Variants in PDZRN4 observed in about 807,000 individuals in gnomAD.
The protein encoded by PDZRN4 is PDZ domain-containing RING finger protein 4.
Under a neutral mutation model 99.0 loss-of-function variants are expected in PDZRN4, and 70 were observed. The ratio of observed to expected loss-of-function variants is 0.71; its 90% CI spans 0.58 to 0.86. PDZRN4 has a LOEUF of 0.86. PDZRN4 is among the 40% of genes least tolerant of loss of function. The pLI is 0.00. For missense variants in PDZRN4, 1,474 were observed against 1,331.2 expected (o/e 1.11, Z -1.67); for synonymous variants, 551 against 501.6 (o/e 1.10, Z -1.32).
At chr12:41,415,710 T>C (rs74078808) in intron 3 of PDZRN4, among the ~76,000 whole-genome samples, 5,776 of 152,264 alleles carry the variant, frequency 0.038, 172 homozygotes, top group African/African-American at 0.087. Context: ...TGAGAAATTG[T>C]GTCCAGAAGG....
intron 3 of PDZRN4, among the ~76,000 whole-genome samples, chr12:41,339,185 T>A (rs1183121950): frequency 6.8e-6 from 1 of 148,040 alleles, no homozygotes; most frequent in Non-Finnish European, 1.5e-5. Flanking sequence ...TGCTACAGAG[T>A]TATGGTAACC....
At chr12:41,360,259 T>C (rs1418074216) in intron 3 of PDZRN4, among the ~76,000 whole-genome samples, 2 of 152,064 alleles carry the variant, frequency 1.3e-5, no homozygotes, top group Admixed American at 6.6e-5. Flanking sequence ...ATTTATAGGA[T>C]TGGATGAATT....
At chr12:41,564,919 T>C (rs1409792580) in intron 8 of PDZRN4, among the ~76,000 whole-genome samples, 1 of 152,210 alleles carries the variant, frequency 6.6e-6, no homozygotes, top group Admixed American at 6.6e-5. Context: ...ATCTCTATTG[T>C]AGAGAAGATA....
In PDZRN4 at chr12:41,555,383, G is replaced by A. The variant is rs542421221; in HGVS notation, c.1303-315G>A. Reference sequence around the variant, plus strand: ...AAGATCATGTGACAGTTGGGATACAGAAATGAGTGAACAAATGTGAAAAAA... The same window carrying A: ...AAGATCATGTGACAGTTGGGATACAAAAATGAGTGAACAAATGTGAAAAAA... On this transcript the variant is annotated intron_variant, in intron 6 of 9. Coordinates refer to ENST00000402685, the MANE Select transcript of PDZRN4 (RefSeq NM_001164595.2). Among the ~76,000 whole-genome samples the A allele has an allele frequency of 2.3e-3, 352 of 150,308 alleles. 1 individual carries two copies. The highest frequency in any genetic ancestry group is 4.6e-3 in the Non-Finnish European group (309 of 67,712).
In PDZRN4 at chr12:41,188,879, G is replaced by A; in HGVS notation, c.424G>A (p.Gly142Ser). ...GCGPTPRAGR[G>S]GGARGGPPGG... ...CGGTCCGACACCCAGGGCTGGCCGG[G>A]GCGGGGGCGCGCGCGGGGGGCCGCC... is the stretch of plus-strand genomic sequence containing the variant. Residue 142 changes from glycine to serine, a missense_variant, in exon 1 of 10, where the codon GGC (glycine) becomes AGC (serine). Gly to Ser is a moderately conservative substitution (Grantham distance 56). Transcript: ENST00000402685. 2 of 1,122,400 alleles carry A rather than the reference G, an allele frequency of 1.8e-6. No homozygotes were observed. The highest frequency in any genetic ancestry group is 2.2e-6 in the Non-Finnish European group (2 of 919,126). 69.5% of individuals were successfully genotyped at this position (1,122,400 alleles called of 1,614,324 possible).
intron 7 of PDZRN4, among the ~76,000 whole-genome samples, chr12:41,557,203 C>T (rs1939184348): frequency 6.6e-6 from 1 of 151,336 alleles, no homozygotes; most frequent in African/African-American, 2.4e-5. Flanking sequence ...CACAAACTCC[C>T]CAGCTCTTGT....
chr12:41,524,987 C>T (rs1037868095), intron 5 of PDZRN4, among the ~76,000 whole-genome samples: 1 of 152,230 alleles, frequency 6.6e-6, no homozygotes, highest in South Asian at 2.1e-4. Flanking sequence ...GAGTTGAAAG[C>T]AGCTTCTTCA....
chr12:41,570,291 G>T (rs1939450827), intron 9 of PDZRN4, among the ~76,000 whole-genome samples: 1 of 152,112 alleles, frequency 6.6e-6, no homozygotes. Flanking sequence ...TAGAAACATT[G>T]CCTGTCACTA....
chr12:41,530,192 C>T (rs1351561859), intron 5 of PDZRN4, among the ~76,000 whole-genome samples: 1 of 152,212 alleles, frequency 6.6e-6, no homozygotes, highest in Admixed American at 6.5e-5. Flanking sequence ...CTACCCAACG[C>T]TCACGTTTAG....
intron 3 of PDZRN4, among the ~76,000 whole-genome samples, chr12:41,479,714 T>C (rs1388093112): frequency 6.6e-6 from 1 of 152,200 alleles, no homozygotes; most frequent in African/African-American, 2.4e-5. Flanking sequence ...TAGATCTCTT[T>C]ATAGAAACAT....
At chr12:41,388,783 G>GA (rs1157742461) in intron 3 of PDZRN4, among the ~76,000 whole-genome samples, 1 of 152,154 alleles carries the variant, frequency 6.6e-6, no homozygotes, top group African/African-American at 2.4e-5. Context: ...TAAAAGGATG[G>GA]AGCTTCCATT....
chr12:41,421,776 A>G (rs1309883644), intron 3 of PDZRN4, among the ~76,000 whole-genome samples: 2 of 152,036 alleles, frequency 1.3e-5, no homozygotes, highest in Non-Finnish European at 1.5e-5. Context: ...CAGCCCCTCC[A>G]TTTCTGTCTG....
At chr12:41,541,207 G>C (rs1433180964) in intron 5 of PDZRN4, among the ~76,000 whole-genome samples, 2 of 151,832 alleles carry the variant, frequency 1.3e-5, no homozygotes, top group African/African-American at 2.4e-5. Flanking sequence ...TGGGAATACG[G>C]GTGTGAGCCA....
intron 3 of PDZRN4, among the ~76,000 whole-genome samples, chr12:41,275,131 G>C (rs1951342222): frequency 6.6e-6 from 1 of 152,134 alleles, no homozygotes; most frequent in South Asian, 2.1e-4. Flanking sequence ...ACTGATGCCA[G>C]AAGCAACTCT....
intron 3 of PDZRN4, 106 bp from the exon 4 acceptor site, chr12:41,506,350 T>A: frequency 9.0e-6 from 9 of 995,248 alleles, no homozygotes; most frequent in Non-Finnish European, 1.3e-5. Flanking sequence ...ATTACAAAAT[T>A]CATATCAGGG....
chr12:41,567,593 G>C (rs1939396334), intron 8 of PDZRN4, among the ~76,000 whole-genome samples, 190 bp from the exon 9 acceptor site: 1 of 144,610 alleles, frequency 6.9e-6, no homozygotes. Context: ...AGGATAAAAG[G>C]CATAAGAGTC....
intron 7 of PDZRN4, among the ~76,000 whole-genome samples, chr12:41,556,215 T>C (rs1391144382): frequency 6.6e-6 from 1 of 152,258 alleles, no homozygotes; most frequent in Non-Finnish European, 1.5e-5. Context: ...TTTTCCAGAA[T>C]AAATTAAGTG....
intron 3 of PDZRN4, among the ~76,000 whole-genome samples, chr12:41,238,065 C>T (rs542533665): frequency 3.3e-5 from 5 of 152,150 alleles, no homozygotes; most frequent in South Asian, 2.1e-4. Context: ...TTGAGCAGTA[C>T]AGCCATTTTC....
At chr12:41,368,382 A>AC (rs1233627990) in intron 3 of PDZRN4, among the ~76,000 whole-genome samples, 1 of 152,036 alleles carries the variant, frequency 6.6e-6, no homozygotes, top group Non-Finnish European at 1.5e-5. Context: ...CCCCAAGCAC[A>AC]CCTAATAGTG....
Sources: gnomAD v4.1 joint callset for allele counts (sites outside exome capture counted in the v4.1 genomes callset) on GRCh38, gnomAD v4.1.1 for gene constraint, MANE v1.5 for transcripts, NCBI Gene and HGNC (gene_info 2026-07-23, HGNC 2026-07-21) for gene names.